The following TAFA1 variants were observed in gnomAD, a reference collection of about 807,000 sequenced individuals.
TAFA1 encodes TAFA chemokine like family member 1.
In TAFA1, 4 loss-of-function variants were observed where a neutral mutation model predicts 18.5. The observed-to-expected ratio is 0.22, with a 90% confidence interval of 0.11 to 0.49. The LOEUF (loss-of-function observed/expected upper bound fraction) is 0.49. TAFA1 is among the 20% of genes least tolerant of loss of function. TAFA1 has a pLI of 0.98. For missense variants in TAFA1, 147 were observed against 169.0 expected (o/e 0.87, Z 0.72); for synonymous variants, 56 against 55.2 (o/e 1.01, Z -0.06).
chr3:68,419,538 C>G (rs1449409637), intron 3 of TAFA1, among the ~76,000 whole-genome samples: 1 of 152,112 alleles, frequency 6.6e-6, no homozygotes, highest in African/African-American at 2.4e-5. Flanking sequence ...TCTCTCCTCC[C>G]ATCTTTATGT....
chr3:68,261,000 A>G (rs1168709423), intron 2 of TAFA1, among the ~76,000 whole-genome samples: 3 of 152,186 alleles, frequency 2.0e-5, no homozygotes, highest in Non-Finnish European at 4.4e-5. Flanking sequence ...AGAATGGGAG[A>G]AAATTTTTGC....
chr3:68,220,105 G>A (rs1171964346), intron 2 of TAFA1, among the ~76,000 whole-genome samples: 1 of 152,138 alleles, frequency 6.6e-6, no homozygotes, highest in African/African-American at 2.4e-5. Context: ...TGTAGAGCAT[G>A]GATTAGACCT....
Position 68,081,462 on chromosome 3 carries a change from T to C in TAFA1, c.118+74718T>C, listed in dbSNP as rs2064899166. Among the ~76,000 whole-genome samples, 3 of 151,804 alleles carry C rather than the reference T, an allele frequency of 2.0e-5. No individual in the cohort carries two copies. In the South Asian group the frequency reaches 6.3e-4, roughly 32 times the overall value. ...TGTGGTTTTATCTAGTTTTGGTCTT[T>C]GATGATGGTGATGTACAGATGGGTT... On this transcript the variant is annotated intron_variant, in intron 2 of 4. Transcript: ENST00000478136.
chr3:68,341,710 T>TA (rs1245230348), intron 2 of TAFA1, among the ~76,000 whole-genome samples: 1 of 152,172 alleles, frequency 6.6e-6, no homozygotes, highest in African/African-American at 2.4e-5. Flanking sequence ...GCTCCAAGGT[T>TA]AGCAGAAAAT....
At chr3:68,112,707 A>T (rs1174316559) in intron 2 of TAFA1, among the ~76,000 whole-genome samples, 1 of 152,162 alleles carries the variant, frequency 6.6e-6, no homozygotes, top group Non-Finnish European at 1.5e-5. Context: ...TGTTAAAATA[A>T]TTAATAGGTG....
chr3:68,420,628 G>T (rs1015825886), intron 3 of TAFA1, among the ~76,000 whole-genome samples: 3 of 152,138 alleles, frequency 2.0e-5, no homozygotes, highest in Non-Finnish European at 4.4e-5. Flanking sequence ...AATGTCTGGA[G>T]ATATTTGGGT....
chr3:68,374,865 A>G (rs2069777856), intron 2 of TAFA1, among the ~76,000 whole-genome samples: 1 of 152,048 alleles, frequency 6.6e-6, no homozygotes, highest in African/African-American at 2.4e-5. Flanking sequence ...TTATCTCTAT[A>G]CATTCTTTAT....
At chr3:68,167,334 T>C (rs2065993861) in intron 2 of TAFA1, among the ~76,000 whole-genome samples, 2 of 152,076 alleles carry the variant, frequency 1.3e-5, no homozygotes, top group Admixed American at 1.3e-4. Context: ...TCCCAGCACT[T>C]TGGGAGGCTG....
intron 2 of TAFA1, among the ~76,000 whole-genome samples, chr3:68,360,822 GA>G (rs1041342044): frequency 6.6e-6 from 1 of 152,002 alleles, no homozygotes; most frequent in Admixed American, 6.6e-5. Context: ...ATGCAGCCAT[GA>G]AAAAAGTTTG....
At chr3:68,231,611 C>A (rs538152426) in intron 2 of TAFA1, among the ~76,000 whole-genome samples, 1 of 151,958 alleles carries the variant, frequency 6.6e-6, no homozygotes, top group South Asian at 2.1e-4. Context: ...CCACCCGCCT[C>A]GGCCTCCCAA....
intron 2 of TAFA1, among the ~76,000 whole-genome samples, chr3:68,354,362 T>A (rs905354767): frequency 6.6e-6 from 1 of 151,972 alleles, no homozygotes; most frequent in Non-Finnish European, 1.5e-5. Context: ...GCCCTGTGTT[T>A]CCATCTAGCA....
At chr3:68,540,766 G>C (rs931605904) in intron 4 of TAFA1, among the ~76,000 whole-genome samples, 1 of 152,170 alleles carries the variant, frequency 6.6e-6, no homozygotes, top group Non-Finnish European at 1.5e-5. Context: ...CTCTTTGGAA[G>C]ATAGAATATA....
chr3:68,011,854 T>C (rs1704479456), intron 2 of TAFA1, among the ~76,000 whole-genome samples: 1 of 152,224 alleles, frequency 6.6e-6, no homozygotes, highest in South Asian at 2.1e-4. Context: ...TCAGACCCTA[T>C]AATATCAAAG....
intron 3 of TAFA1, among the ~76,000 whole-genome samples, chr3:68,487,068 T>G (rs373959302): frequency 1.3e-5 from 2 of 152,190 alleles, no homozygotes; most frequent in African/African-American, 4.8e-5. Context: ...TTCTTAAACT[T>G]ATGAAAAGAT....
intron 2 of TAFA1, among the ~76,000 whole-genome samples, chr3:68,302,268 G>C (rs1575760428): frequency 6.6e-6 from 1 of 152,064 alleles, no homozygotes; most frequent in African/African-American, 2.4e-5. Flanking sequence ...CTGCTTTACA[G>C]ACTCCAACAG....
intron 2 of TAFA1, among the ~76,000 whole-genome samples, chr3:68,413,679 A>T (rs754882932): frequency 1.3e-5 from 2 of 152,146 alleles, no homozygotes; most frequent in Non-Finnish European, 2.9e-5. Context: ...TTGATTTCCA[A>T]TGGGACACAC....
intron 2 of TAFA1, among the ~76,000 whole-genome samples, chr3:68,373,700 A>T (rs918043860): frequency 6.6e-6 from 1 of 152,236 alleles, no homozygotes; most frequent in Admixed American, 6.5e-5. Context: ...AAAAGACAGA[A>T]GTCATTTCAT....
chr3:68,487,103 A>G (rs559580997), intron 3 of TAFA1, among the ~76,000 whole-genome samples: 15 of 152,320 alleles, frequency 9.8e-5, no homozygotes, highest in African/African-American at 3.6e-4. Flanking sequence ...TGGTCCAGAG[A>G]GCGTTTGAAA....
chr3:68,150,892 G>C (rs1575646974), intron 2 of TAFA1, among the ~76,000 whole-genome samples: 2 of 152,070 alleles, frequency 1.3e-5, no homozygotes, highest in East Asian at 3.9e-4. Context: ...TAGCCCTATG[G>C]CTAGCACTTT....
Sources: allele counts gnomAD v4.1 joint callset (sites outside exome capture counted in the v4.1 genomes callset), GRCh38; gene constraint gnomAD v4.1.1; transcripts MANE v1.5; gene names NCBI Gene and HGNC (gene_info 2026-07-23, HGNC 2026-07-21).